Variants in CRACD observed in about 807,000 individuals in gnomAD.
CRACD encodes the protein capping protein-inhibiting regulator of actin dynamics.
A neutral mutation model predicts 106.8 loss-of-function variants in CRACD; 56 were observed. That is an observed-to-expected ratio of 0.52 (90% CI 0.42 to 0.66). CRACD has a LOEUF of 0.66. Among genes scored for constraint, CRACD ranks in the 30% least tolerant of loss-of-function variants. The pLI is 0.00. For synonymous variants in CRACD, 754 were observed against 670.8 expected (o/e 1.12, Z -1.92); for missense variants, 1,730 against 1,623.2 (o/e 1.07, Z -1.13).
chr4:56,229,057 T>C (rs896083208), intron 2 of CRACD, among the ~76,000 whole-genome samples: 3 of 152,180 alleles, frequency 2.0e-5, no homozygotes, highest in Admixed American at 2.0e-4. Flanking sequence ...GAAATTGCAA[T>C]GATATTATAA....
chr4:56,097,316 G>C (rs1733629371), intron 1 of CRACD: 1 of 152,236 alleles, frequency 6.6e-6, no homozygotes, highest in Admixed American at 6.6e-5. Context: ...GTGGAAGGGT[G>C]TTAGGATTGC....
chr4:56,273,281 C>T (rs1177292156), intron 3 of CRACD, among the ~76,000 whole-genome samples: 1 of 151,824 alleles, frequency 6.6e-6, no homozygotes, highest in African/African-American at 2.4e-5. Flanking sequence ...GAGCTTTTGC[C>T]TGCCTGCCTG....
intron 1 of CRACD, among the ~76,000 whole-genome samples, chr4:56,094,888 A>G (rs1169330413): frequency 1.3e-5 from 2 of 152,182 alleles, no homozygotes; most frequent in African/African-American, 4.8e-5. Flanking sequence ...TCATCCATAC[A>G]CTTACCACCT....
chr4:56,260,269 C>T (rs1741616849), intron 2 of CRACD, among the ~76,000 whole-genome samples: 1 of 152,200 alleles, frequency 6.6e-6, no homozygotes, highest in South Asian at 2.1e-4. Context: ...CTTTCTCTCT[C>T]CGTATTTAAG....
At chr4:56,127,760 C>A (rs1187001991) in intron 1 of CRACD, among the ~76,000 whole-genome samples, 1 of 152,148 alleles carries the variant, frequency 6.6e-6, no homozygotes, top group Non-Finnish European at 1.5e-5. Flanking sequence ...TGTCACTGAG[C>A]CATATGCAGT....
rs140146990 is a variant in CRACD at position 56,242,953 on chromosome 4, G to A, written c.-188-29368G>A. 1.3e-4 allele frequency among the ~76,000 whole-genome samples: 20 copies of A among 152,280 alleles called. No individual in the cohort carries two copies. The East Asian group carries it at 2.3e-3, about 18-fold the overall frequency. On this transcript the variant is annotated intron_variant, in intron 2 of 10. Transcript: ENST00000682029. ...GGTTAGAGGGATGCACCCCTAGAGC[G>A]CATGAGCCGCCCCAGAGAAAATCCT...
intron 4 of CRACD, among the ~76,000 whole-genome samples, chr4:56,302,860 C>T (rs1744449560): frequency 6.6e-6 from 1 of 152,120 alleles, no homozygotes; most frequent in African/African-American, 2.4e-5. Flanking sequence ...GATATGCATT[C>T]CTGTAATGTC....
chr4:56,254,175 A>G (rs1395885171), intron 2 of CRACD, among the ~76,000 whole-genome samples: 1 of 152,156 alleles, frequency 6.6e-6, no homozygotes, highest in Admixed American at 6.5e-5. Flanking sequence ...GGAAAGAGGA[A>G]TGTGGTTAGA....
intron 1 of CRACD, among the ~76,000 whole-genome samples, chr4:56,156,613 C>G (rs970191955): frequency 6.6e-6 from 1 of 152,178 alleles, no homozygotes; most frequent in Non-Finnish European, 1.5e-5. Context: ...TCTTCTCTAG[C>G]CTTTCTGTCC....
intron 2 of CRACD, among the ~76,000 whole-genome samples, chr4:56,191,159 C>T (rs997207338): frequency 4.0e-5 from 6 of 151,788 alleles, no homozygotes; most frequent in African/African-American, 1.5e-4. Context: ...GGCACTGTAA[C>T]AAAGTATCAT....
intron 2 of CRACD, among the ~76,000 whole-genome samples, chr4:56,263,590 G>A (rs1286886450): frequency 1.3e-5 from 2 of 152,080 alleles, no homozygotes; most frequent in Non-Finnish European, 2.9e-5. Flanking sequence ...AGAACCTGTT[G>A]TATTGGATTG....
intron 1 of CRACD, among the ~76,000 whole-genome samples, chr4:56,084,083 T>C (rs1733133807): frequency 1.3e-5 from 2 of 152,192 alleles, no homozygotes; most frequent in East Asian, 1.9e-4. Context: ...ATTATTAGAA[T>C]ACCAAGAAAC....
At chr4:56,245,087 A>G (rs1047061475) in intron 2 of CRACD, among the ~76,000 whole-genome samples, 1 of 152,206 alleles carries the variant, frequency 6.6e-6, no homozygotes, top group Non-Finnish European at 1.5e-5. Flanking sequence ...TCCCTTCTAC[A>G]AGAAAGCTGC....
intron 2 of CRACD, among the ~76,000 whole-genome samples, chr4:56,264,152 AACTC>A (rs2109623539): frequency 6.6e-6 from 1 of 152,184 alleles, no homozygotes; most frequent in African/African-American, 2.4e-5. Flanking sequence ...ATCTTATGAG[AACTC>A]ACTCACTATC....
chr4:56,160,159 C>G (rs1035208971), intron 1 of CRACD, among the ~76,000 whole-genome samples: 2 of 150,628 alleles, frequency 1.3e-5, no homozygotes, highest in African/African-American at 4.9e-5. Context: ...CCAGAAAAAT[C>G]CTAGCTAAGT....
At chr4:56,279,513 C>CAAAT (rs1297626132) in intron 3 of CRACD, among the ~76,000 whole-genome samples, 1 of 152,150 alleles carries the variant, frequency 6.6e-6, no homozygotes, top group Non-Finnish European at 1.5e-5. Context: ...CAAAAGAAGA[C>CAAAT]ATTTATGCAG....
intron 1 of CRACD, among the ~76,000 whole-genome samples, chr4:56,095,695 A>C (rs1733578157): frequency 1.3e-5 from 2 of 152,138 alleles, no homozygotes. Flanking sequence ...GGCCTTATGC[A>C]AAGACTAGCT....
chr4:56,324,210 G>C lies in CRACD; in HGVS notation c.3485G>C (p.Arg1162Thr), dbSNP rs1304692471. The change falls in exon 10 of 11, where the codon AGG (arginine) becomes ACG (threonine). Residue 1162 changes from arginine to threonine, a missense_variant. Around this residue, in one of 5 missense-constraint regions of CRACD, gnomAD observed 89 missense variants for 89.6 expected, o/e 0.99. Transcript: ENST00000682029. ...AAGAGGCCCGAGACTGCAGTGTCCA[G>C]GCTTGAGCGCAGAGAACAGCTGAAA... ...EEKRPETAVSRLERREQLKKA... is the reference protein window; with the variant it reads ...EEKRPETAVSTLERREQLKKA... 6.2e-7 allele frequency: 1 copy of C among 1,614,104 alleles called. No individual in the cohort carries two copies. Among genetic ancestry groups the C allele is most frequent in the Admixed American group, 1.7e-5 (1 of 60,010 alleles).
intron 1 of CRACD, among the ~76,000 whole-genome samples, chr4:56,053,538 C>T (rs1195220265): frequency 6.6e-6 from 1 of 151,918 alleles, no homozygotes; most frequent in Non-Finnish European, 1.5e-5. Context: ...TTTATATCTT[C>T]TACATTAAAA....
Sources: gnomAD v4.1 joint callset for allele counts (sites outside exome capture counted in the v4.1 genomes callset) on GRCh38, gnomAD v4.1.1 for gene constraint, gnomAD v4.1.1 regional missense constraint, MANE v1.5 for transcripts, NCBI Gene and HGNC (gene_info 2026-07-23, HGNC 2026-07-21) for gene names.